GPC6: variants seen among roughly 807,000 people sequenced by gnomAD.
The protein encoded by GPC6 is glypican-6.
Under a neutral mutation model 55.2 loss-of-function variants are expected in GPC6, and 14 were observed. The observed-to-expected ratio is 0.25, with a 90% CI of 0.17 to 0.40. The LOEUF (loss-of-function observed/expected upper bound fraction) is 0.40. Among genes scored for constraint, GPC6 ranks in the 10% least tolerant of loss-of-function variants. The pLI is 1.00. For synonymous variants in GPC6, 278 were observed against 259.6 expected, an observed-to-expected ratio of 1.07 and a Z score of -0.68; for missense variants, 641 against 708.5, an observed-to-expected ratio of 0.90 and a Z score of 1.08.
chr13:94,297,786 A>G (rs1875423060), intron 5 of GPC6, among the ~76,000 whole-genome samples: 1 of 152,224 alleles, frequency 6.6e-6, no homozygotes, highest in African/African-American at 2.4e-5. Flanking sequence ...TTGGTTCAGT[A>G]GAACCCAAAA....
chr13:94,176,547 A>G (rs1205824288), intron 4 of GPC6, among the ~76,000 whole-genome samples: 1 of 152,118 alleles, frequency 6.6e-6, no homozygotes, highest in Non-Finnish European at 1.5e-5. Context: ...GTTATTTATA[A>G]TCTTCTTTTC....
chr13:94,276,947 A>G (rs1013717367), intron 4 of GPC6, among the ~76,000 whole-genome samples: 2 of 152,200 alleles, frequency 1.3e-5, no homozygotes, highest in African/African-American at 4.8e-5. Flanking sequence ...CTTTGTGTAT[A>G]TACCCAGTAA....
chr13:93,619,735 G>T (rs1166851792), intron 2 of GPC6, among the ~76,000 whole-genome samples: 2 of 152,000 alleles, frequency 1.3e-5, no homozygotes, highest in African/African-American at 4.8e-5. Context: ...CATGAGCCCG[G>T]CCTAAATGTT....
At chr13:93,846,360 A>T (rs1888180039) in intron 3 of GPC6, among the ~76,000 whole-genome samples, 1 of 152,202 alleles carries the variant, frequency 6.6e-6, no homozygotes, top group Non-Finnish European at 1.5e-5. Flanking sequence ...ATTATATAAG[A>T]AACCTAAAGC....
At chr13:94,144,681 A>G (rs1199764158) in intron 4 of GPC6, among the ~76,000 whole-genome samples, 1 of 152,086 alleles carries the variant, frequency 6.6e-6, no homozygotes, top group Non-Finnish European at 1.5e-5. Flanking sequence ...CTGACATGCA[A>G]ACAAAAATAG....
At chr13:94,275,453 A>G (rs1892172954) in intron 4 of GPC6, among the ~76,000 whole-genome samples, 1 of 152,148 alleles carries the variant, frequency 6.6e-6, no homozygotes, top group Non-Finnish European at 1.5e-5. Flanking sequence ...TATCTGGACT[A>G]TATTTAATGA....
At chr13:93,774,563 A>G (rs762775445) in intron 2 of GPC6, among the ~76,000 whole-genome samples, 1 of 152,216 alleles carries the variant, frequency 6.6e-6, no homozygotes, top group Non-Finnish European at 1.5e-5. Flanking sequence ...TAAAGGCTGC[A>G]TGATGGATTA....
chr13:93,568,482 G>T (rs1348566406), intron 2 of GPC6, among the ~76,000 whole-genome samples: 1 of 152,128 alleles, frequency 6.6e-6, no homozygotes, highest in East Asian at 1.9e-4. Flanking sequence ...AGATGCTGAG[G>T]TAGAAGGGAA....
At position 94,118,223 on chromosome 13, in the gene GPC6, A is replaced by C. The variant is rs114604325; in HGVS notation, c.877+90329A>C. Among the ~76,000 whole-genome samples, 816 of 152,170 alleles carry C rather than the reference A, an allele frequency of 5.4e-3. 10 individuals are homozygous for C. Among genetic ancestry groups the C allele is most frequent in the African/African-American group, 0.019 (785 of 41,540 alleles). Reference sequence around the variant, plus strand: ...ATGGAATCATAGGGGCAGTTTCCACATGCTGCTGTTCTCGTGATAGTGAGT... The same window carrying C: ...ATGGAATCATAGGGGCAGTTTCCACCTGCTGCTGTTCTCGTGATAGTGAGT... On this transcript the variant is annotated intron_variant, in intron 4 of 8. Coordinates refer to ENST00000377047, the MANE Select transcript of GPC6 (RefSeq NM_005708.5).
chr13:93,443,926 A>G (rs867513966), intron 1 of GPC6, among the ~76,000 whole-genome samples: 6 of 152,234 alleles, frequency 3.9e-5, no homozygotes, highest in South Asian at 2.1e-4. Flanking sequence ...GCTTTCGCCA[A>G]TGTAAAAATA....
chr13:93,888,916 A>T (rs1191739056), intron 3 of GPC6, among the ~76,000 whole-genome samples: 2 of 152,148 alleles, frequency 1.3e-5, no homozygotes, highest in African/African-American at 4.8e-5. Context: ...CTGAGCAGGA[A>T]ATAAGCCTGA....
chr13:94,088,335 G>A (rs1337476882), intron 4 of GPC6, among the ~76,000 whole-genome samples: 1 of 152,058 alleles, frequency 6.6e-6, no homozygotes, highest in Non-Finnish European at 1.5e-5. Flanking sequence ...AATTATTCTT[G>A]CATAGTCTTT....
chr13:93,592,305 C>T (rs1877524591), intron 2 of GPC6, among the ~76,000 whole-genome samples: 1 of 150,408 alleles, frequency 6.6e-6, no homozygotes, highest in Non-Finnish European at 1.5e-5. Context: ...GTGCTTTAGC[C>T]TCCTGAGTAG....
chr13:94,195,845 C>G (rs996388184), intron 4 of GPC6, among the ~76,000 whole-genome samples: 1 of 152,266 alleles, frequency 6.6e-6, no homozygotes, highest in Non-Finnish European at 1.5e-5. Context: ...CTGTAGTTTA[C>G]GGGTGACTAA....
At chr13:94,212,184 GCAAACAAA>G (rs898524757) in intron 4 of GPC6, among the ~76,000 whole-genome samples, 4 of 152,146 alleles carry the variant, frequency 2.6e-5, no homozygotes, top group Non-Finnish European at 1.5e-5. Context: ...AGATGTACCA[GCAAACAAA>G]CTTATTTTTT....
intron 1 of GPC6, among the ~76,000 whole-genome samples, chr13:93,429,838 C>A (rs1179402046): frequency 6.6e-6 from 1 of 152,020 alleles, no homozygotes; most frequent in Non-Finnish European, 1.5e-5. Flanking sequence ...AAATAAATGA[C>A]AAATAAGAAC....
intron 2 of GPC6, among the ~76,000 whole-genome samples, chr13:93,637,548 A>T (rs960539929): frequency 6.6e-6 from 1 of 152,126 alleles, no homozygotes; most frequent in Admixed American, 6.6e-5. Flanking sequence ...CATGTGAAAT[A>T]TGGAACAGAT....
chr13:93,252,431 G>A (rs1351351747), intron 1 of GPC6, among the ~76,000 whole-genome samples: 1 of 152,060 alleles, frequency 6.6e-6, no homozygotes, highest in Non-Finnish European at 1.5e-5. Context: ...TTTGATTTGT[G>A]CACACTCGTG....
chr13:94,328,069 T>A (rs1021105497), intron 6 of GPC6, among the ~76,000 whole-genome samples: 3 of 152,212 alleles, frequency 2.0e-5, no homozygotes, highest in Non-Finnish European at 4.4e-5. Flanking sequence ...TCTGTGGCTG[T>A]TGTCTCAAAG....
Sources: gnomAD v4.1 joint callset for allele counts (sites outside exome capture counted in the v4.1 genomes callset) on GRCh38, gnomAD v4.1.1 for gene constraint, MANE v1.5 for transcripts, NCBI Gene and HGNC (gene_info 2026-07-23, HGNC 2026-07-21) for gene names.